Variants in SERPINB9 observed in about 807,000 individuals in gnomAD.
The protein encoded by SERPINB9 is serpin family B member 9, also known as serpin B9.
A neutral mutation model predicts 27.2 loss-of-function variants in SERPINB9; 20 were observed. That is an observed-to-expected ratio of 0.74 (90% CI 0.52 to 1.07). The LOEUF (loss-of-function observed/expected upper bound fraction) is 1.07. SERPINB9 is among the 50% of genes least tolerant of loss of function. The pLI is 0.00. For synonymous variants in SERPINB9, 189 were observed against 180.0 expected (o/e 1.05, Z -0.40); for missense variants, 476 against 460.1 (o/e 1.03, Z -0.32).
chr6:2,890,062 A>G lies in SERPINB9; in HGVS notation c.*101T>C. 9 of 1,199,876 alleles carry G rather than the reference A, an allele frequency of 7.5e-6. No individual in the cohort carries two copies. In the South Asian group the frequency reaches 1.2e-4, roughly 16 times the overall value. The allele number at this position is 1,199,876 out of a possible 1,614,324, so 74.3% of individuals were successfully genotyped here. A position where few individuals can be genotyped will look rare whatever the true frequency, so the allele number is the denominator to read the frequency against. ...GCAGACAGGTAAAGAATCTGCCCTC[A>G]TCTTTGCACTTGGCTTTCTAGGCCC... On this transcript the variant is annotated 3_prime_UTR_variant, in exon 7 of 7. Coordinates refer to ENST00000380698, the MANE Select transcript of SERPINB9 (RefSeq NM_004155.6). This position sits in a 1 kb window ranked among gnomAD's most constrained non-coding sequence, Gnocchi z 6.2.
intron 5 of SERPINB9, among the ~76,000 whole-genome samples, chr6:2,892,680 C>T (rs761162057): frequency 2.6e-5 from 4 of 152,108 alleles, no homozygotes; most frequent in Non-Finnish European, 5.9e-5. Flanking sequence ...GAATTCTCCT[C>T]CTCCCACCCT....
intron 5 of SERPINB9, 120 bp downstream of exon 5, chr6:2,893,285 TTCAGAA>T: frequency 1.2e-6 from 1 of 835,998 alleles, no homozygotes. Context: ...AAGAAATTCA[TTCAGAA>T]ATACTTTAAG....
In SERPINB9 at chr6:2,897,693, A is replaced by G. The variant is rs564589918; in HGVS notation, c.169-1503T>C. Among the ~76,000 whole-genome samples, 12 of 152,342 alleles carry G rather than the reference A, an allele frequency of 7.9e-5. No homozygotes were observed. In the East Asian group the frequency reaches 2.3e-3, roughly 29 times the overall value. ...TCCCAAGGAATTTTGGGACAAACAC[A>G]AAATGATCAATGAATCCAAGAGCTG... is the stretch of plus-strand genomic sequence containing the variant. On this transcript the variant is annotated intron_variant, in intron 2 of 6. Coordinates refer to ENST00000380698, the MANE Select transcript of SERPINB9 (RefSeq NM_004155.6).
rs949895138 is a variant in SERPINB9 at position 2,888,729 on chromosome 6, A to G, written c.*1434T>C. 6.6e-5 allele frequency: 10 copies of G among 152,188 alleles called. 1 individual carries two copies. Among genetic ancestry groups the G allele is most frequent in the Admixed American group, 2.0e-4 (3 of 15,268 alleles). 9.4% of individuals were successfully genotyped at this position (152,188 alleles called of 1,614,324 possible). On this transcript the variant is annotated 3_prime_UTR_variant, in exon 7 of 7. Coordinates refer to ENST00000380698, the MANE Select transcript of SERPINB9 (RefSeq NM_004155.6). The stretch of plus-strand genomic sequence containing the variant: ...GGATGGGGTTTCCTTTTAGAGGAGA[A>G]CATTTTTTTTGGAACTTTAAATAAA...
In SERPINB9 at chr6:2,890,130, G is replaced by A; in HGVS notation, c.*33C>T. 2 of 1,588,938 alleles carry A rather than the reference G, an allele frequency of 1.3e-6. No homozygotes were observed. The highest frequency in any genetic ancestry group is 1.7e-5 in the Admixed American group (1 of 57,180). On this transcript the variant is annotated 3_prime_UTR_variant, in exon 7 of 7. Coordinates refer to ENST00000380698, the MANE Select transcript of SERPINB9 (RefSeq NM_004155.6). The surrounding 1 kb of genome is among the most constrained non-coding windows in gnomAD (Gnocchi z 6.2). ...GTGGGGATCTGGGGACACAGGAAGAGGGAAATGGCCGAGTGCACGGTAAGT... is the reference window on the plus strand; with the variant it reads ...GTGGGGATCTGGGGACACAGGAAGAAGGAAATGGCCGAGTGCACGGTAAGT...
At chr6:2,900,333 G>C (rs1229922839) in intron 2 of SERPINB9, 111 bp downstream of exon 2, 1 of 1,354,028 alleles carries the variant, frequency 7.4e-7, no homozygotes. Flanking sequence ...GTGCACACTC[G>C]GGCCCCAGTC....
chr6:2,899,939 G>A (rs186641175), intron 2 of SERPINB9: 1 of 456,658 alleles, frequency 2.2e-6, no homozygotes, highest in African/African-American at 2.0e-5. Context: ...TGGTGAGACT[G>A]AGCTGAGCAG....
chr6:2,894,854 C>T lies in SERPINB9; in HGVS notation c.424+537G>A, dbSNP rs907041381. ...CTGCCTCCCAGGTTCAAGTGATTCT[C>T]ATGTCTCAGCCTCCCAAGCAGCTGG... On this transcript the variant is annotated intron_variant, in intron 4 of 6. Coordinates refer to ENST00000380698, the MANE Select transcript of SERPINB9 (RefSeq NM_004155.6). The surrounding 1 kb of genome is among the most constrained non-coding windows in gnomAD (Gnocchi z 4.7). Among the ~76,000 whole-genome samples the T allele has an allele frequency of 4.0e-5, 6 of 151,770 alleles. No individual in the cohort carries two copies. The highest frequency in any genetic ancestry group is 3.2e-3 in the Middle Eastern group (1 of 316).
At position 2,895,516 on chromosome 6, in the gene SERPINB9, G is replaced by T; in HGVS notation, c.307-8C>A. ...ACAGGATTCCTTAAACGTCTTTGGA[G>T]AGAAAAATGTTCAGTGAGGCTGCAT... On this transcript the variant is annotated splice_polypyrimidine_tract_variant and splice_region_variant and intron_variant, in intron 3 of 6. Coordinates refer to ENST00000380698, the MANE Select transcript of SERPINB9 (RefSeq NM_004155.6). 6.3e-7 allele frequency: 1 copy of T among 1,588,978 alleles called. No individual in the cohort carries two copies. Among genetic ancestry groups the T allele is most frequent in the South Asian group, 1.1e-5 (1 of 89,860 alleles).
Position 2,894,937 on chromosome 6 carries a change from GGGC to G in SERPINB9, c.424+451_424+453del, listed in dbSNP as rs796418388. 0.015 allele frequency among the ~76,000 whole-genome samples: 1,469 copies of G among 98,818 alleles called. 50 individuals carry two copies. Among genetic ancestry groups the G allele is most frequent in the African/African-American group, 0.055 (1,351 of 24,430 alleles). 64.8% of individuals were successfully genotyped at this position (98,818 alleles called of 152,430 possible). On this transcript the variant is annotated intron_variant, in intron 4 of 6. Coordinates refer to ENST00000380698, the MANE Select transcript of SERPINB9 (RefSeq NM_004155.6). This position sits in a 1 kb window ranked among gnomAD's most constrained non-coding sequence, Gnocchi z 4.7. ...TTTTTGTATTTTTAGTAGAGATGTTGGGCGGGGGGGGGTCCCACCATGTTGGTC... is the reference window on the plus strand; with the variant it reads ...TTTTTGTATTTTTAGTAGAGATGTTGGGGGGGGGGTCCCACCATGTTGGTC...
rs1767927523 is a variant in SERPINB9 at position 2,894,479 on chromosome 6, C to T, written c.424+912G>A. Among the ~76,000 whole-genome samples the T allele has an allele frequency of 6.6e-6, 1 of 152,076 alleles. No homozygotes were observed. The highest frequency in any genetic ancestry group is 1.5e-5 in the Non-Finnish European group (1 of 68,016). On this transcript the variant is annotated intron_variant, in intron 4 of 6. Transcript: ENST00000380698. The surrounding 1 kb of genome is among the most constrained non-coding windows in gnomAD (Gnocchi z 4.7). ...GCCCTGAGAGAGGGTCGGCAGTTAA[C>T]CAATCAAATGTAGGCTTATCAAGTC...
intron 1 of SERPINB9, among the ~76,000 whole-genome samples, chr6:2,901,197 G>T (rs1768189796): frequency 6.6e-6 from 1 of 152,178 alleles, no homozygotes; most frequent in African/African-American, 2.4e-5. Context: ...CAGCCGGGGT[G>T]GAGCCAGGCT....
rs1166475898 is a variant in SERPINB9 at position 2,889,553 on chromosome 6, G to T, written c.*610C>A. 1 of 151,938 alleles carries T rather than the reference G, an allele frequency of 6.6e-6. No homozygotes were observed. The highest frequency in any genetic ancestry group is 2.4e-5 in the African/African-American group (1 of 41,412). The allele number at this position is 151,938 out of a possible 1,614,324, so 9.4% of individuals were successfully genotyped here. On this transcript the variant is annotated 3_prime_UTR_variant, in exon 7 of 7. Transcript: ENST00000380698. The stretch of plus-strand genomic sequence containing the variant: ...TACTAAAAATACAAAAAATTAGCCG[G>T]GCGTGGTGGCGGGCGCCTGTAGTCC...
chr6:2,899,919 C>G (rs2113616766), intron 2 of SERPINB9: 1 of 456,668 alleles, frequency 2.2e-6, no homozygotes, highest in East Asian at 6.9e-5. Flanking sequence ...TCCACAGGTT[C>G]TCTGAATGTT....
rs1470011679 is a variant in SERPINB9 at position 2,889,857 on chromosome 6, A to C, written c.*306T>G. 1 of 298,266 alleles carries C rather than the reference A, an allele frequency of 3.4e-6. No individual in the cohort carries two copies. Among genetic ancestry groups the C allele is most frequent in the Admixed American group, 4.5e-5 (1 of 22,294 alleles). The allele number at this position is 298,266 out of a possible 1,614,324, so 18.5% of individuals were successfully genotyped here. ...AATGTATTCGCAGTGTCAGGAAAGCACAGGGTCGCCAGAGTGAATTGCATG... is the reference window on the plus strand; with the variant it reads ...AATGTATTCGCAGTGTCAGGAAAGCCCAGGGTCGCCAGAGTGAATTGCATG... On this transcript the variant is annotated 3_prime_UTR_variant, in exon 7 of 7. Coordinates refer to ENST00000380698, the MANE Select transcript of SERPINB9 (RefSeq NM_004155.6).
At chr6:2,900,064 C>A (rs1257887796) in intron 2 of SERPINB9, 2 of 368,220 alleles carry the variant, frequency 5.4e-6, no homozygotes, top group African/African-American at 2.1e-5. Flanking sequence ...CAGGTATTAA[C>A]CTTCCTTACC....
In SERPINB9 at chr6:2,887,978, C is replaced by T. The variant is rs1158637599; in HGVS notation, c.*2185G>A. 1.3e-5 allele frequency: 2 copies of T among 151,812 alleles called. No homozygotes were observed. Among genetic ancestry groups the T allele is most frequent in the Non-Finnish European group, 2.9e-5 (2 of 67,978 alleles). The allele number at this position is 151,812 out of a possible 1,614,324, so 9.4% of individuals were successfully genotyped here. On this transcript the variant is annotated 3_prime_UTR_variant, in exon 7 of 7. Transcript: ENST00000380698. ...TAAAGCTTTTTAACAAACTGTCACTCGTGTTCTAAAAACAAACAAATGTCT... is the reference window on the plus strand; with the variant it reads ...TAAAGCTTTTTAACAAACTGTCACTTGTGTTCTAAAAACAAACAAATGTCT...
intron 1 of SERPINB9, among the ~76,000 whole-genome samples, chr6:2,901,527 C>A (rs925147873): frequency 6.6e-6 from 1 of 152,090 alleles, no homozygotes; most frequent in Non-Finnish European, 1.5e-5. Flanking sequence ...GTAAAACAGG[C>A]GAGAACAAGG....
At position 2,894,940 on chromosome 6, in the gene SERPINB9, C is replaced by G. The variant is rs7450723; in HGVS notation, c.424+451G>C. On this transcript the variant is annotated intron_variant, in intron 4 of 6. Transcript: ENST00000380698. This position sits in a 1 kb window ranked among gnomAD's most constrained non-coding sequence, Gnocchi z 4.7. ...TTGTATTTTTAGTAGAGATGTTGGG[C>G]GGGGGGGGGTCCCACCATGTTGGTC... is the stretch of plus-strand genomic sequence containing the variant. Among the ~76,000 whole-genome samples, 3,429 of 43,728 alleles carry G rather than the reference C, an allele frequency of 0.078. 167 individuals are homozygous for G. Among genetic ancestry groups the G allele is most frequent in the East Asian group, 0.18 (126 of 718 alleles). The allele number at this position is 43,728 out of a possible 152,430, so 28.7% of individuals were successfully genotyped here.
Sources: allele counts gnomAD v4.1 joint callset (sites outside exome capture counted in the v4.1 genomes callset), GRCh38; gene constraint gnomAD v4.1.1; non-coding constraint Gnocchi (gnomAD v3.1); transcripts MANE v1.5; gene names NCBI Gene and HGNC (gene_info 2026-07-23, HGNC 2026-07-21).